The following NAV2 variants were observed in gnomAD, a reference collection of about 807,000 sequenced individuals.
NAV2 encodes neuron navigator 2, also known as helicase, APC down-regulated 1.
In NAV2, 54 loss-of-function variants were observed where a neutral mutation model predicts 223.2. That is an observed-to-expected ratio of 0.24 (90% confidence interval 0.19 to 0.30). The LOEUF (loss-of-function observed/expected upper bound fraction) is 0.30. Among genes scored for constraint, NAV2 ranks in the 10% least tolerant of loss-of-function variants. The pLI, the probability that NAV2 is intolerant of heterozygous loss-of-function variation, is 1.00. For synonymous variants in NAV2, 1,279 were observed against 1,239.3 expected (o/e 1.03, Z -0.67); for missense variants, 2,806 against 3,147.5 (o/e 0.89, Z 2.60).
intron 6 of NAV2, among the ~76,000 whole-genome samples, chr11:19,897,414 G>T (rs1446194952): frequency 6.6e-6 from 1 of 151,814 alleles, no homozygotes; most frequent in Non-Finnish European, 1.5e-5. Context: ...ATTGTAACAG[G>T]CAACTTTTCA....
At chr11:19,995,800 C>A (rs2051820123) in intron 11 of NAV2, among the ~76,000 whole-genome samples, 1 of 152,170 alleles carries the variant, frequency 6.6e-6, no homozygotes, top group Non-Finnish European at 1.5e-5. Context: ...ATTGAGATAA[C>A]AAAATTCCAA....
intron 6 of NAV2, among the ~76,000 whole-genome samples, chr11:19,897,795 T>G (rs1296988199): frequency 1.3e-5 from 2 of 151,656 alleles, no homozygotes; most frequent in Non-Finnish European, 2.9e-5. Context: ...GTTTGTTGTA[T>G]CATCATTGCC....
chr11:19,962,977 A>G (rs1477056913), intron 10 of NAV2, among the ~76,000 whole-genome samples: 1 of 152,140 alleles, frequency 6.6e-6, no homozygotes, highest in African/African-American at 2.4e-5. Context: ...AAGCTCACAT[A>G]CTTGAGCAGT....
chr11:19,865,966 G>C (rs1425526860), intron 3 of NAV2, among the ~76,000 whole-genome samples: 3 of 152,208 alleles, frequency 2.0e-5, no homozygotes, highest in African/African-American at 2.4e-5. Context: ...ATGACAGGGA[G>C]GAGGACCTCC....
chr11:19,428,923 G>C (rs1850939625), intron 1 of NAV2, among the ~76,000 whole-genome samples: 1 of 152,184 alleles, frequency 6.6e-6, no homozygotes, highest in Non-Finnish European at 1.5e-5. Context: ...AATGTACTTG[G>C]AGGCAAAGGT....
At chr11:19,826,242 G>A (rs1355388144) in intron 1 of NAV2, among the ~76,000 whole-genome samples, 3 of 152,186 alleles carry the variant, frequency 2.0e-5, no homozygotes, top group African/African-American at 4.8e-5. Flanking sequence ...GGCAAACCAG[G>A]ATGAAGAATC....
chr11:20,120,554 A>G lies in NAV2; in HGVS notation c.*2296A>G, dbSNP rs1386134919. ...ACTTCTCCTCGTGGGCAGTTTTCCA[A>G]TCACCTTGTGAGTAGACACCTGCCA... On this transcript the variant is annotated 3_prime_UTR_variant, in exon 38 of 38. Transcript: ENST00000349880. The G allele has an allele frequency of 6.6e-6, 1 of 152,544 alleles. No homozygotes were observed. The highest frequency in any genetic ancestry group is 1.5e-5 in the Non-Finnish European group (1 of 68,032). The allele number at this position is 152,544 out of a possible 1,614,324, so 9.4% of individuals were successfully genotyped here.
At chr11:20,078,936 A>G (rs2059925067) in intron 24 of NAV2, among the ~76,000 whole-genome samples, 1 of 152,260 alleles carries the variant, frequency 6.6e-6, no homozygotes, top group Non-Finnish European at 1.5e-5. Context: ...TAAGTGTTTC[A>G]ATGATTTCAT....
chr11:20,035,706 G>A (rs1481841277), intron 11 of NAV2, among the ~76,000 whole-genome samples: 1 of 152,210 alleles, frequency 6.6e-6, no homozygotes, highest in Non-Finnish European at 1.5e-5. Flanking sequence ...GACATGGGTA[G>A]TGTCTGTAGC....
chr11:20,041,329 C>T (rs1467124902), intron 12 of NAV2, among the ~76,000 whole-genome samples: 2 of 152,116 alleles, frequency 1.3e-5, no homozygotes, highest in Admixed American at 1.3e-4. Context: ...TCACTGTTTG[C>T]CTCAGTTTTG....
chr11:20,048,792 G>A lies in NAV2; in HGVS notation c.3967G>A (p.Val1323Met). The A allele has an allele frequency of 4.3e-6, 7 of 1,614,128 alleles. No homozygotes were observed. Among genetic ancestry groups the A allele is most frequent in the Non-Finnish European group, 5.9e-6 (7 of 1,180,028 alleles). Residue 1323 changes from valine (V) to methionine (M), a missense_variant, in exon 15 of 38, where the codon GTG becomes ATG. Transcript: ENST00000349880. Reference sequence around the variant, plus strand: ...CACAGCTGAAAACATGAAAAATTCGGTGGTCATCTCCAATCCTCATGCCAC... The same window carrying A: ...CACAGCTGAAAACATGAAAAATTCGATGGTCATCTCCAATCCTCATGCCAC... The part of the protein sequence containing the change: ...IATAENMKNS[V>M]VISNPHATMT...
At chr11:19,771,993 T>A (rs2055756579) in intron 1 of NAV2, among the ~76,000 whole-genome samples, 1 of 152,176 alleles carries the variant, frequency 6.6e-6, no homozygotes, top group African/African-American at 2.4e-5. Context: ...CGGCACCTCT[T>A]GTGCTCAGGC....
intron 11 of NAV2, among the ~76,000 whole-genome samples, chr11:19,985,195 A>C (rs536100890): frequency 1.3e-5 from 2 of 152,356 alleles, no homozygotes; most frequent in South Asian, 4.1e-4. Flanking sequence ...CAAAGAGCTA[A>C]GTGACTTCTG....
At chr11:19,611,041 G>C (rs186806350) in intron 1 of NAV2, among the ~76,000 whole-genome samples, 2 of 152,320 alleles carry the variant, frequency 1.3e-5, no homozygotes, top group Non-Finnish European at 2.9e-5. Flanking sequence ...TGGACTTACA[G>C]TTCCACATGG....
At chr11:19,612,080 C>CT (rs2046661760) in intron 1 of NAV2, among the ~76,000 whole-genome samples, 1 of 152,218 alleles carries the variant, frequency 6.6e-6, no homozygotes, top group Non-Finnish European at 1.5e-5. Context: ...TACATGGAAG[C>CT]TGCCAAGGCT....
At chr11:19,703,495 A>G (rs1040990641) in intron 1 of NAV2, among the ~76,000 whole-genome samples, 1 of 152,202 alleles carries the variant, frequency 6.6e-6, no homozygotes, top group African/African-American at 2.4e-5. Flanking sequence ...TGCAGGAGCA[A>G]CCGGTAGAGT....
intron 4 of NAV2, among the ~76,000 whole-genome samples, chr11:19,877,154 C>G (rs1196692648): frequency 6.6e-6 from 1 of 151,818 alleles, no homozygotes; most frequent in African/African-American, 2.4e-5. Flanking sequence ...GTCATAAAAC[C>G]TTTCTGAGCT....
intron 1 of NAV2, among the ~76,000 whole-genome samples, chr11:19,416,196 C>G (rs1266857822): frequency 6.6e-6 from 1 of 152,106 alleles, no homozygotes. Context: ...TTAGAAAACC[C>G]CATTGTCTCA....
intron 1 of NAV2, among the ~76,000 whole-genome samples, chr11:19,790,123 C>T (rs2057416045): frequency 1.3e-5 from 2 of 152,168 alleles, no homozygotes; most frequent in South Asian, 2.1e-4. Context: ...CTCTCATGCT[C>T]CCGGCTGCAT....
Sources: gnomAD v4.1 joint callset for allele counts (sites outside exome capture counted in the v4.1 genomes callset) on GRCh38, gnomAD v4.1.1 for gene constraint, MANE v1.5 for transcripts, NCBI Gene and HGNC (gene_info 2026-07-23, HGNC 2026-07-21) for gene names.